Variants in CMKLR2 observed in about 807,000 individuals in gnomAD.
CMKLR2 encodes chemerin-like receptor 2.
CMKLR2 carries 18 observed loss-of-function variants against 23.0 expected under a neutral mutation model. The observed-to-expected ratio is 0.78, with a 90% CI of 0.54 to 1.16. CMKLR2 has a LOEUF of 1.16. CMKLR2 is among the 50% of genes most tolerant of loss of function. CMKLR2 has a pLI of 0.00. For synonymous variants in CMKLR2, 158 were observed against 158.9 expected, an observed-to-expected ratio of 0.99 and a Z score of 0.05; for missense variants, 401 against 412.7, an observed-to-expected ratio of 0.97 and a Z score of 0.25.
upstream of CMKLR2, among the ~76,000 whole-genome samples, chr2:206,214,168 T>TTTTTTTTTGACTTGA (rs1689671671): frequency 3.0e-4 from 1 of 3,376 alleles, no homozygotes. Flanking sequence ...AGACTTGATT[T>TTTTTTTTTGACTTGA]TTTTTTTTTT....
intron 1 of CMKLR2, among the ~76,000 whole-genome samples, chr2:206,202,107 G>C (rs1017098719): frequency 1.3e-5 from 2 of 152,192 alleles, no homozygotes; most frequent in Non-Finnish European, 2.9e-5. Flanking sequence ...CCTGGAGAGA[G>C]AGTAGGACAC....
intron 1 of CMKLR2, among the ~76,000 whole-genome samples, chr2:206,197,302 A>G (rs958776694): frequency 6.6e-6 from 1 of 152,162 alleles, no homozygotes; most frequent in Non-Finnish European, 1.5e-5. Context: ...GTGAACCTGT[A>G]GGACTGCATT....
chr2:206,213,110 G>T (rs557667005), intron 1 of CMKLR2, among the ~76,000 whole-genome samples, 197 bp downstream of exon 1: 1 of 152,312 alleles, frequency 6.6e-6, no homozygotes, highest in Admixed American at 6.5e-5. Flanking sequence ...CTGTAGGATC[G>T]TCCCTAAACA....
intron 1 of CMKLR2, among the ~76,000 whole-genome samples, chr2:206,207,412 T>C (rs1298956810): frequency 2.0e-5 from 3 of 152,154 alleles, no homozygotes; most frequent in Non-Finnish European, 4.4e-5. Flanking sequence ...AGTGCTGGGA[T>C]TACAGGTATG....
chr2:206,177,079 C>T lies in CMKLR2; in HGVS notation c.169G>A (p.Ala57Thr), dbSNP rs1000237242. 1.9e-6 allele frequency: 3 copies of T among 1,614,078 alleles called. No homozygotes were observed. The highest frequency in any genetic ancestry group is 2.5e-6 in the Non-Finnish European group (3 of 1,180,030). The change falls in exon 2 of 2, where the codon GCC becomes ACC. Residue 57 changes from alanine (A) to threonine (T), a missense_variant. Transcript: ENST00000621141. The part of the protein sequence containing the change: ...LAFVLGIPGN[A>T]IVIWFTGFKW... ...AACCCCGTGAACCAAATGACGATGG[C>T]ATTTCCTGGAATTCCCAGAACAAAA...
intron 1 of CMKLR2, among the ~76,000 whole-genome samples, chr2:206,208,094 A>T (rs1242032797): frequency 6.6e-6 from 1 of 152,064 alleles, no homozygotes; most frequent in Non-Finnish European, 1.5e-5. Context: ...ATAATCTGTT[A>T]AGGTGCTCAT....
intron 1 of CMKLR2, among the ~76,000 whole-genome samples, chr2:206,178,070 T>A (rs1688288934): frequency 6.6e-6 from 1 of 152,138 alleles, no homozygotes. Context: ...GAGACCAGCC[T>A]GGGAAATATA....
chr2:206,214,113 C>CA (rs996215176), upstream of CMKLR2, among the ~76,000 whole-genome samples: 2 of 150,340 alleles, frequency 1.3e-5, no homozygotes, highest in Non-Finnish European at 2.9e-5. Flanking sequence ...CTCAGTCTCC[C>CA]AAAGTGCTGG....
chr2:206,217,212 A>T (rs1282039468), upstream of CMKLR2, among the ~76,000 whole-genome samples: 1 of 152,192 alleles, frequency 6.6e-6, no homozygotes, highest in Non-Finnish European at 1.5e-5. Flanking sequence ...CTCCTGTCAT[A>T]CAGGGTGATG....
intron 1 of CMKLR2, among the ~76,000 whole-genome samples, chr2:206,193,107 C>CT (rs1012308702): frequency 5.3e-5 from 8 of 150,960 alleles, no homozygotes; most frequent in East Asian, 1.9e-4. Flanking sequence ...ACTGTGTTTT[C>CT]TTTTTTTTTG....
chr2:206,176,194 C>T lies in CMKLR2; in HGVS notation c.1054G>A (p.Glu352Lys). The change falls in exon 2 of 2, where the codon GAA (glutamate) becomes AAA (lysine). Residue 352 changes from glutamate (E) to lysine (K), a missense_variant. Physicochemically the swap from Glu to Lys is moderately conservative, Grantham distance 56. Transcript: ENST00000621141. ...AAAGTAATAACTTATTGAGCTGTTTCCAGGAGACACAGATTCTTGGTTTCT... is the reference window on the plus strand; with the variant it reads ...AAAGTAATAACTTATTGAGCTGTTTTCAGGAGACACAGATTCTTGGTTTCT... ...NSETKNLCLL[E>K]TAQ is the part of the protein sequence containing the mutation. 2 of 1,610,148 alleles carry T rather than the reference C, an allele frequency of 1.2e-6. No individual in the cohort carries two copies. The highest frequency in any genetic ancestry group is 8.5e-7 in the Non-Finnish European group (1 of 1,178,174).
chr2:206,214,984 C>T (rs577291432), upstream of CMKLR2, among the ~76,000 whole-genome samples: 2 of 152,158 alleles, frequency 1.3e-5, no homozygotes, highest in South Asian at 4.2e-4. Context: ...TGAAATTGCA[C>T]ATTGTTAGGC....
In CMKLR2 at chr2:206,207,396, T is replaced by C. The variant is rs537497218; in HGVS notation, c.-29+5911A>G. Among the ~76,000 whole-genome samples the C allele has an allele frequency of 2.0e-3, 311 of 152,216 alleles. 1 individual carries two copies. Among genetic ancestry groups the C allele is most frequent in the Non-Finnish European group, 3.7e-3 (255 of 68,006 alleles). On this transcript the variant is annotated intron_variant, in intron 1 of 1. Coordinates refer to ENST00000621141, the MANE Select transcript of CMKLR2 (RefSeq NM_001389445.1). The stretch of plus-strand genomic sequence containing the variant: ...CTTAGGTGATCCACCTGCCTTGGCC[T>C]CCCAGAGTGCTGGGATTACAGGTAT...
At chr2:206,207,287 T>C (rs1689362835) in intron 1 of CMKLR2, among the ~76,000 whole-genome samples, 1 of 151,786 alleles carries the variant, frequency 6.6e-6, no homozygotes, top group Admixed American at 6.6e-5. Flanking sequence ...ACAACAAGCA[T>C]GTGCCACCCC....
intron 1 of CMKLR2, among the ~76,000 whole-genome samples, chr2:206,202,558 T>C (rs1689134046): frequency 6.6e-6 from 1 of 152,094 alleles, no homozygotes; most frequent in Non-Finnish European, 1.5e-5. Flanking sequence ...CCTCCTGGGC[T>C]CAAGCAATTC....
At chr2:206,204,934 G>A (rs2105834237) in intron 1 of CMKLR2, among the ~76,000 whole-genome samples, 1 of 152,270 alleles carries the variant, frequency 6.6e-6, no homozygotes, top group Non-Finnish European at 1.5e-5. Flanking sequence ...AAAGATTTGT[G>A]TAGATTAGTT....
chr2:206,181,977 A>T (rs1688429970), intron 1 of CMKLR2, among the ~76,000 whole-genome samples: 1 of 151,450 alleles, frequency 6.6e-6, no homozygotes, highest in Non-Finnish European at 1.5e-5. Flanking sequence ...AAAAAAAGGA[A>T]ACCATAAGGA....
At chr2:206,191,957 C>T (rs1291786063) in intron 1 of CMKLR2, among the ~76,000 whole-genome samples, 3 of 151,524 alleles carry the variant, frequency 2.0e-5, no homozygotes, top group African/African-American at 7.3e-5. Flanking sequence ...TCTCCTGCCT[C>T]AGCCTCCTGA....
rs1688209155 is a variant in CMKLR2, at chr2:206,176,341, G to A, written c.907C>T (p.Leu303Phe). The part of the protein sequence containing the change: ...AFLNSCLNPI[L>F]YVLISKKFQA... ...AACTTCTTACTAATTAGGACATAAA[G>A]GATGGGGTTCAAGCAACTATTGAGG... The change falls in exon 2 of 2, where the codon CTT (leucine) becomes TTT (phenylalanine). Residue 303 changes from leucine (L) to phenylalanine (F), a missense_variant. By Grantham distance (22) the Leu-to-Phe change is conservative (BLOSUM62 0). Coordinates refer to ENST00000621141, the MANE Select transcript of CMKLR2 (RefSeq NM_001389445.1). 1 of 1,614,168 alleles carries A rather than the reference G, an allele frequency of 6.2e-7. No individual in the cohort carries two copies. The highest frequency in any genetic ancestry group is 1.7e-5 in the Admixed American group (1 of 60,010).
Sources: allele counts gnomAD v4.1 joint callset (sites outside exome capture counted in the v4.1 genomes callset), GRCh38; gene constraint gnomAD v4.1.1; transcripts MANE v1.5; gene names NCBI Gene and HGNC (gene_info 2026-07-23, HGNC 2026-07-21).